Variants in PTPRD observed in about 807,000 individuals in gnomAD.
PTPRD encodes the protein receptor-type tyrosine-protein phosphatase delta.
A neutral mutation model predicts 214.5 loss-of-function variants in PTPRD; 34 were observed. The ratio of observed to expected loss-of-function variants is 0.16; its 90% CI spans 0.12 to 0.21. The LOEUF is 0.21. Among genes scored for constraint, PTPRD ranks in the 10% least tolerant of loss-of-function variants. The pLI, the probability that PTPRD is intolerant of heterozygous loss-of-function variation, is 1.00. For synonymous variants in PTPRD, 1,128 were observed against 845.7 expected (o/e 1.33, Z -5.79); for missense variants, 2,545 against 2,398.7 (o/e 1.06, Z -1.27).
intron 5 of PTPRD, among the ~76,000 whole-genome samples, chr9:9,926,273 T>C (rs535758425): frequency 6.6e-6 from 1 of 152,276 alleles, no homozygotes; most frequent in South Asian, 2.1e-4. Context: ...TATGGTAGTG[T>C]TAATCATCTC....
intron 3 of PTPRD, among the ~76,000 whole-genome samples, chr9:10,100,761 G>C (rs968184122): frequency 6.6e-6 from 1 of 151,652 alleles, no homozygotes; most frequent in East Asian, 1.9e-4. Context: ...TCACTGACAT[G>C]CATTGTCTTA....
chr9:10,405,875 T>C (rs2098346826), intron 2 of PTPRD, among the ~76,000 whole-genome samples: 2 of 151,480 alleles, frequency 1.3e-5, no homozygotes, highest in Non-Finnish European at 3.0e-5. Flanking sequence ...GAATACATAA[T>C]ATAAAAAAAG....
intron 10 of PTPRD, among the ~76,000 whole-genome samples, chr9:9,151,522 G>C (rs1000656984): frequency 3.9e-5 from 6 of 152,182 alleles, no homozygotes; most frequent in African/African-American, 9.6e-5. Flanking sequence ...GGATGAAAGA[G>C]TTAAACATGT....
chr9:10,282,724 T>G (rs766367188), intron 3 of PTPRD, among the ~76,000 whole-genome samples: 1 of 152,106 alleles, frequency 6.6e-6, no homozygotes, highest in South Asian at 2.1e-4. Context: ...TTTTTTTAAG[T>G]TGCATGGTGA....
intron 11 of PTPRD, among the ~76,000 whole-genome samples, chr9:8,954,850 T>A (rs921643664): frequency 1.3e-5 from 2 of 151,790 alleles, no homozygotes; most frequent in Admixed American, 1.3e-4. Context: ...TTTGAGTAAA[T>A]ATTGAAAATA....
intron 7 of PTPRD, among the ~76,000 whole-genome samples, chr9:9,653,383 AAAAG>A: frequency 7.4e-6 from 1 of 135,294 alleles, no homozygotes; most frequent in Non-Finnish European, 1.6e-5. Flanking sequence ...AAAAAAAAAA[AAAAG>A]TGCCTCATTC....
chr9:9,215,281 G>A (rs941572922), intron 9 of PTPRD, among the ~76,000 whole-genome samples: 8 of 152,098 alleles, frequency 5.3e-5, no homozygotes, highest in African/African-American at 7.2e-5. Context: ...GTTATGCAAT[G>A]GAGCAGTTAC....
intron 10 of PTPRD, among the ~76,000 whole-genome samples, chr9:9,164,890 AAACC>A (rs200662355): frequency 9.8e-5 from 13 of 133,050 alleles, no homozygotes; most frequent in South Asian, 4.5e-4. Flanking sequence ...CAAAACAAAC[AAACC>A]AACCAGAAAT....
chr9:9,247,116 T>C (rs540688239), intron 9 of PTPRD, among the ~76,000 whole-genome samples: 2 of 152,168 alleles, frequency 1.3e-5, no homozygotes, highest in South Asian at 4.1e-4. Context: ...TTCTTCCACC[T>C]TTCTTCTAGG....
chr9:10,057,070 G>A (rs918886497), intron 3 of PTPRD, among the ~76,000 whole-genome samples: 1 of 152,140 alleles, frequency 6.6e-6, no homozygotes, highest in Non-Finnish European at 1.5e-5. Flanking sequence ...AGCAAAGCTG[G>A]TTCCTAGTCC....
At chr9:9,483,278 C>T (rs946594633) in intron 8 of PTPRD, among the ~76,000 whole-genome samples, 1 of 152,130 alleles carries the variant, frequency 6.6e-6, no homozygotes, top group Admixed American at 6.6e-5. Context: ...CTTTCCCCAT[C>T]AGCTGTCACT....
At chr9:10,143,963 T>A (rs969760272) in intron 3 of PTPRD, among the ~76,000 whole-genome samples, 1 of 152,110 alleles carries the variant, frequency 6.6e-6, no homozygotes, top group Admixed American at 6.6e-5. Context: ...ATGCTCACTA[T>A]CTGGGAGATG....
intron 42 of PTPRD, among the ~76,000 whole-genome samples, chr9:8,339,304 G>A (rs934436159): frequency 2.0e-5 from 3 of 152,122 alleles, no homozygotes; most frequent in African/African-American, 7.2e-5. Context: ...ATATACACGA[G>A]TTGAATTGAG....
chr9:10,130,610 C>G lies in PTPRD; in HGVS notation c.-544-96820G>C, dbSNP rs73394237. ...TAAACACAAAGGTCTGTCTTCTGAGCATACAGTTGCAAACTTTAAAATAGA... is the reference window on the plus strand; with the variant it reads ...TAAACACAAAGGTCTGTCTTCTGAGGATACAGTTGCAAACTTTAAAATAGA... On this transcript the variant is annotated intron_variant, in intron 3 of 45. Transcript: ENST00000381196. 6.7e-3 allele frequency among the ~76,000 whole-genome samples: 1,013 copies of G among 152,116 alleles called. 13 individuals are homozygous for G. Among genetic ancestry groups the G allele is most frequent in the African/African-American group, 0.022 (915 of 41,514 alleles).
chr9:9,939,670 A>G (rs766377905), intron 4 of PTPRD, among the ~76,000 whole-genome samples: 1 of 152,150 alleles, frequency 6.6e-6, no homozygotes, highest in Non-Finnish European at 1.5e-5. Flanking sequence ...CTGTGAATGA[A>G]TCATGTGGCT....
chr9:9,828,313 A>C lies in PTPRD; in HGVS notation c.-367-61462T>G, dbSNP rs562334240. On this transcript the variant is annotated intron_variant, in intron 5 of 45. Coordinates refer to ENST00000381196, the MANE Select transcript of PTPRD (RefSeq NM_002839.4). Reference sequence around the variant, plus strand: ...ATGTGGCACATATACATCATGGAATACTATGCAGCCATAAAAAAGGATGAG... The same window carrying C: ...ATGTGGCACATATACATCATGGAATCCTATGCAGCCATAAAAAAGGATGAG... 8.5e-5 allele frequency among the ~76,000 whole-genome samples: 13 copies of C among 152,302 alleles called. No individual in the cohort carries two copies. In the South Asian group the frequency reaches 2.5e-3, roughly 29 times the overall value.
intron 12 of PTPRD, among the ~76,000 whole-genome samples, chr9:8,712,966 G>A (rs1021903458): frequency 8.5e-5 from 13 of 152,246 alleles, no homozygotes; most frequent in African/African-American, 3.1e-4. Flanking sequence ...TGATCCCCCT[G>A]CCTCGGCCTC....
intron 11 of PTPRD, among the ~76,000 whole-genome samples, chr9:8,907,533 A>AAATATAT (rs3046919): frequency 5.7e-4 from 67 of 118,220 alleles, no homozygotes; most frequent in African/African-American, 2.0e-3. Flanking sequence ...AAAAAAAAAA[A>AAATATAT]ATATATATAT....
chr9:10,318,034 C>G (rs1362390958), intron 3 of PTPRD, among the ~76,000 whole-genome samples: 3 of 151,964 alleles, frequency 2.0e-5, no homozygotes, highest in Non-Finnish European at 4.4e-5. Context: ...CTGTCTACTA[C>G]TTGTTCTGTT....
Sources: gnomAD v4.1 joint callset for allele counts (sites outside exome capture counted in the v4.1 genomes callset) on GRCh38, gnomAD v4.1.1 for gene constraint, MANE v1.5 for transcripts, NCBI Gene and HGNC (gene_info 2026-07-23, HGNC 2026-07-21) for gene names.